The following PMFBP1 variants were observed in gnomAD, a reference collection of about 807,000 sequenced individuals.
PMFBP1 encodes the protein polyamine modulated factor 1 binding protein 1.
PMFBP1 carries 131 observed loss-of-function variants against 137.8 expected under a neutral mutation model. The ratio of observed to expected loss-of-function variants is 0.95; its 90% CI spans 0.82 to 1.10. PMFBP1 has a LOEUF of 1.10. PMFBP1 is among the 50% of genes least tolerant of loss of function. The probability of loss-of-function intolerance (pLI) is 0.00; values close to 1 mark genes in which losing one functional copy is unlikely to be tolerated. For synonymous variants in PMFBP1, 490 were observed against 450.4 expected, an observed-to-expected ratio of 1.09 and a Z score of -1.11; for missense variants, 1,199 against 1,175.4, an observed-to-expected ratio of 1.02 and a Z score of -0.29.
At chr16:72,191,587 G>A in the PMFBP1 span, among the ~76,000 whole-genome samples, 1 of 152,170 alleles carries the variant, frequency 6.6e-6, no homozygotes, top group Non-Finnish European at 1.5e-5. Context: ...ACCAGAATTG[G>A]GGATCTATTT....
Position 72,141,726 on chromosome 16 carries a change from T to C in PMFBP1, c.637-1144A>G, listed in dbSNP as rs537213587. Reference sequence around the variant, plus strand: ...TATTTTTTTTTTTCTGAAACAAAGCTGAAATGAATACTTTTGTACATAAAT... The same window carrying C: ...TATTTTTTTTTTTCTGAAACAAAGCCGAAATGAATACTTTTGTACATAAAT... On this transcript the variant is annotated intron_variant, in intron 5 of 20. Coordinates refer to ENST00000237353, the MANE Select transcript of PMFBP1 (RefSeq NM_031293.3). Among the ~76,000 whole-genome samples, 9 of 152,222 alleles carry C rather than the reference T, an allele frequency of 5.9e-5. No homozygotes were observed. The East Asian group carries it at 1.7e-3, about 29-fold the overall frequency.
chr16:72,240,784 T>C, the PMFBP1 span, among the ~76,000 whole-genome samples: 1 of 152,228 alleles, frequency 6.6e-6, no homozygotes, highest in Non-Finnish European at 1.5e-5. Context: ...AAAAGATCTC[T>C]AAGGGGTCCT....
intron 1 of PMFBP1, 95 bp downstream of exon 1, chr16:72,171,959 T>C (rs2043226374): frequency 1.3e-5 from 2 of 152,202 alleles, no homozygotes; most frequent in Non-Finnish European, 2.9e-5. Context: ...TACAGGATGA[T>C]GCATTTGAGG....
upstream of PMFBP1, among the ~76,000 whole-genome samples, chr16:72,175,486 G>A (rs886368250): frequency 6.6e-6 from 1 of 152,200 alleles, no homozygotes; most frequent in Non-Finnish European, 1.5e-5. Flanking sequence ...GAACTGGTAA[G>A]TGCCTGGGTA....
chr16:72,153,921 TACACACACACACACAC>T (rs3223525), intron 4 of PMFBP1, among the ~76,000 whole-genome samples: 30 of 134,044 alleles, frequency 2.2e-4, no homozygotes, highest in African/African-American at 8.2e-4. Flanking sequence ...GATGGACTTA[TACACACACACACACAC>T]ACACACACAC....
intron 5 of PMFBP1, among the ~76,000 whole-genome samples, chr16:72,149,682 G>C (rs529408273): frequency 1.3e-5 from 2 of 152,058 alleles, no homozygotes; most frequent in African/African-American, 4.8e-5. Flanking sequence ...AACTGGCCGG[G>C]CATGGTGGCG....
chr16:72,213,147 T>C, the PMFBP1 span, among the ~76,000 whole-genome samples: 1 of 143,084 alleles, frequency 7.0e-6, no homozygotes, highest in Non-Finnish European at 1.5e-5. Flanking sequence ...AAGAAAGTGG[T>C]GAAGGAAACT....
At chr16:72,133,191 G>C (rs2144299577) in intron 9 of PMFBP1, among the ~76,000 whole-genome samples, 200 bp from the exon 10 acceptor site, 1 of 152,064 alleles carries the variant, frequency 6.6e-6, no homozygotes, top group South Asian at 2.1e-4. Flanking sequence ...TATTATTATT[G>C]TTATTGTTTT....
At chr16:72,219,571 C>A in the PMFBP1 span, among the ~76,000 whole-genome samples, 2 of 152,036 alleles carry the variant, frequency 1.3e-5, no homozygotes, top group South Asian at 4.2e-4. Context: ...CTGTTTGCTC[C>A]AGATGGAAAA....
At chr16:72,199,550 AG>A in the PMFBP1 span, among the ~76,000 whole-genome samples, 29 of 149,212 alleles carry the variant, frequency 1.9e-4, no homozygotes, top group Admixed American at 2.0e-3. Flanking sequence ...GCTACTCGGG[AG>A]GCTGAGGCAG....
chr16:72,159,979 A>G (rs2043038172), intron 3 of PMFBP1, among the ~76,000 whole-genome samples: 1 of 152,236 alleles, frequency 6.6e-6, no homozygotes, highest in Non-Finnish European at 1.5e-5. Context: ...CATCTGGTCT[A>G]CCAGGTTTCT....
At chr16:72,148,766 A>G (rs996038469) in intron 5 of PMFBP1, among the ~76,000 whole-genome samples, 1 of 152,364 alleles carries the variant, frequency 6.6e-6, no homozygotes. Flanking sequence ...ATAGTGCTCA[A>G]TCCTTCATAA....
In PMFBP1 at chr16:72,137,243, C is replaced by T. The variant is rs190412544; in HGVS notation, c.919-424G>A. Reference sequence around the variant, plus strand: ...GTTTATGGAGAATCTACTGTGTGCCCGGCACTGTCCTGGGTGCTGGGCATG... The same window carrying T: ...GTTTATGGAGAATCTACTGTGTGCCTGGCACTGTCCTGGGTGCTGGGCATG... On this transcript the variant is annotated intron_variant, in intron 7 of 20. Coordinates refer to ENST00000237353, the MANE Select transcript of PMFBP1 (RefSeq NM_031293.3). Among the ~76,000 whole-genome samples the T allele has an allele frequency of 1.7e-3, 258 of 152,222 alleles. 1 individual carries two copies. The highest frequency in any genetic ancestry group is 6.8e-3 in the Middle Eastern group (2 of 294).
the PMFBP1 span, among the ~76,000 whole-genome samples, chr16:72,248,972 G>C: frequency 6.6e-6 from 1 of 152,066 alleles, no homozygotes; most frequent in Non-Finnish European, 1.5e-5. Context: ...CCTTTAAACA[G>C]CTACTCAAGG....
chr16:72,164,385 G>A (rs897684545), intron 3 of PMFBP1: 2 of 1,294,398 alleles, frequency 1.5e-6, no homozygotes, highest in African/African-American at 3.0e-5. Flanking sequence ...GAGCAGGTGT[G>A]ATGGTTTTTA....
chr16:72,154,080 G>C (rs2042945263), intron 4 of PMFBP1, 131 bp downstream of exon 4: 1 of 1,207,260 alleles, frequency 8.3e-7, no homozygotes, highest in Admixed American at 2.3e-5. Flanking sequence ...ATTAAAGGGG[G>C]AAGGTTTATA....
intron 3 of PMFBP1, among the ~76,000 whole-genome samples, chr16:72,162,514 T>C (rs1259202345): frequency 1.3e-5 from 2 of 152,260 alleles, no homozygotes; most frequent in African/African-American, 4.8e-5. Flanking sequence ...GTAGTCAGAA[T>C]TTCAGAAAGT....
At chr16:72,120,318 T>C (rs995469631) in intron 19 of PMFBP1, among the ~76,000 whole-genome samples, 2 of 152,170 alleles carry the variant, frequency 1.3e-5, no homozygotes, top group Non-Finnish European at 2.9e-5. Context: ...CCTGCCCAAC[T>C]CTGCCAGCTC....
At chr16:72,249,938 A>AG in the PMFBP1 span, among the ~76,000 whole-genome samples, 1 of 151,016 alleles carries the variant, frequency 6.6e-6, no homozygotes, top group Non-Finnish European at 1.5e-5. Context: ...AAAAAAAAAA[A>AG]AAAAAAGAAA....
Sources: gnomAD v4.1 joint callset for allele counts (sites outside exome capture counted in the v4.1 genomes callset) on GRCh38, gnomAD v4.1.1 for gene constraint, MANE v1.5 for transcripts, NCBI Gene and HGNC (gene_info 2026-07-23, HGNC 2026-07-21) for gene names.